The following NEDD9 variants were observed in gnomAD, a reference collection of about 807,000 sequenced individuals.
NEDD9 encodes the protein neural precursor cell expressed, developmentally down-regulated 9.
NEDD9 carries 26 observed loss-of-function variants against 76.6 expected under a neutral mutation model. The ratio of observed to expected loss-of-function variants is 0.34; its 90% CI spans 0.25 to 0.47. The LOEUF (loss-of-function observed/expected upper bound fraction) is 0.47. NEDD9 is among the 20% of genes least tolerant of loss of function. The pLI is 1.00. For synonymous variants in NEDD9, 392 were observed against 414.2 expected, an observed-to-expected ratio of 0.95 and a Z score of 0.65; for missense variants, 937 against 1,058.5, an observed-to-expected ratio of 0.89 and a Z score of 1.59.
At chr6:11,197,036 T>C (rs1462128790) in intron 2 of NEDD9, among the ~76,000 whole-genome samples, 1 of 152,118 alleles carries the variant, frequency 6.6e-6, no homozygotes, top group Admixed American at 6.5e-5. Flanking sequence ...CACAAAAACC[T>C]TCCAACGATC....
intron 6 of NEDD9, among the ~76,000 whole-genome samples, chr6:11,187,765 G>A (rs1758015209): frequency 6.6e-6 from 1 of 152,180 alleles, no homozygotes; most frequent in African/African-American, 2.4e-5. Flanking sequence ...GAAAATAGGT[G>A]AGAGTGAAGT....
chr6:11,249,012 G>A, intron 3 of NEDD9: 1 of 418,832 alleles, frequency 2.4e-6, no homozygotes, highest in Non-Finnish European at 4.8e-6. Flanking sequence ...ATATGCCAGT[G>A]ACTCACCAGT....
chr6:11,233,238 A>G (rs1414480404), upstream of NEDD9: 2 of 518,684 alleles, frequency 3.9e-6, no homozygotes, highest in African/African-American at 3.9e-5. Flanking sequence ...TCAACGTTCA[A>G]AGTACTTTGC....
In NEDD9 at chr6:11,241,029, A is replaced by C. The variant is rs1455041631; in HGVS notation, c.13-27302T>G. Among the ~76,000 whole-genome samples the C allele has an allele frequency of 6.6e-6, 1 of 152,244 alleles. No homozygotes were observed. The highest frequency in any genetic ancestry group is 1.5e-5 in the Non-Finnish European group (1 of 68,046). On this transcript the variant is annotated intron_variant, in intron 3 of 3. Coordinates refer to the NEDD9 transcript ENST00000397378. The surrounding 1 kb of genome is among the most constrained non-coding windows in gnomAD (Gnocchi z 4.0). Reference sequence around the variant, plus strand: ...TACATGCTTTAGTTTGTCCAAATAAACAACTTGTTATATGAAACTGTCATG... The same window carrying C: ...TACATGCTTTAGTTTGTCCAAATAACCAACTTGTTATATGAAACTGTCATG...
At chr6:11,230,395 G>C (rs1237236946) in intron 1 of NEDD9, among the ~76,000 whole-genome samples, 2 of 152,172 alleles carry the variant, frequency 1.3e-5, no homozygotes, top group Non-Finnish European at 2.9e-5. Context: ...AAATTACTTA[G>C]CCTCTCTGTG....
chr6:11,305,037 T>A (rs1173267498), intron 3 of NEDD9: 2 of 1,230,030 alleles, frequency 1.6e-6, no homozygotes, highest in South Asian at 2.6e-5. Context: ...ATCAAATTAT[T>A]TAAAGAAAGC....
intron 3 of NEDD9, among the ~76,000 whole-genome samples, chr6:11,244,211 T>G (rs946719967): frequency 1.3e-5 from 2 of 152,128 alleles, no homozygotes; most frequent in Admixed American, 1.3e-4. Context: ...GATTTTGGAC[T>G]TGGAGACAAC....
chr6:11,366,372 G>A (rs879730178), intron 1 of NEDD9, among the ~76,000 whole-genome samples: 1 of 148,806 alleles, frequency 6.7e-6, no homozygotes, highest in Non-Finnish European at 1.5e-5. Flanking sequence ...AAGAAAGAAA[G>A]GGGGAGCAAG....
At position 11,252,773 on chromosome 6, in the gene NEDD9, T is replaced by A. The variant is rs530623182; in HGVS notation, c.13-39046A>T. Among the ~76,000 whole-genome samples, 57 of 152,334 alleles carry A rather than the reference T, an allele frequency of 3.7e-4. No individual in the cohort carries two copies. The highest frequency in any genetic ancestry group is 1.3e-3 in the African/African-American group (56 of 41,580). On this transcript the variant is annotated intron_variant, in intron 3 of 3. Transcript: ENST00000397378. The surrounding 1 kb of genome is among the most constrained non-coding windows in gnomAD (Gnocchi z 4.3). The stretch of plus-strand genomic sequence containing the variant: ...CTGTCTCTTAAATATAGGGTTTGTT[T>A]GTGAGTAAATTGGTTGTATGCCCCA...
chr6:11,233,593 C>T (rs1027591205), upstream of NEDD9: 5 of 500,020 alleles, frequency 1.0e-5, no homozygotes, highest in South Asian at 5.7e-5. Context: ...TCCAGGAGAA[C>T]GAAAATGCCC....
intron 3 of NEDD9, among the ~76,000 whole-genome samples, chr6:11,242,995 G>A (rs968339869): frequency 5.4e-4 from 82 of 152,142 alleles, no homozygotes; most frequent in African/African-American, 1.9e-3. Flanking sequence ...ACTCCAATCA[G>A]GCTGTGCTGC....
chr6:11,264,869 G>GTTTGTTTGTTTC (rs1554128895), intron 3 of NEDD9, among the ~76,000 whole-genome samples: 1 of 151,970 alleles, frequency 6.6e-6, no homozygotes, highest in African/African-American at 2.4e-5. Context: ...TTGTTTGTTT[G>GTTTGTTTGTTTC]TTTCTTTTTT....
intron 1 of NEDD9, among the ~76,000 whole-genome samples, chr6:11,219,726 G>A (rs1030724450): frequency 3.3e-5 from 5 of 152,350 alleles, no homozygotes; most frequent in Admixed American, 6.5e-5. Flanking sequence ...GCATACTGAC[G>A]AAAACCGGCT....
chr6:11,255,414 G>A (rs930658025), intron 3 of NEDD9, among the ~76,000 whole-genome samples: 1 of 152,232 alleles, frequency 6.6e-6, no homozygotes, highest in African/African-American at 2.4e-5. Flanking sequence ...GCCATGATAG[G>A]TGGTGTATGA....
At chr6:11,330,126 C>T (rs1338476112) in intron 2 of NEDD9, among the ~76,000 whole-genome samples, 4 of 152,152 alleles carry the variant, frequency 2.6e-5, no homozygotes, top group Non-Finnish European at 4.4e-5. Context: ...AAATTGTAAT[C>T]GTCCCATGCA....
intron 3 of NEDD9, among the ~76,000 whole-genome samples, chr6:11,273,529 G>T (rs1248424818): frequency 6.6e-6 from 1 of 152,204 alleles, no homozygotes; most frequent in Admixed American, 6.5e-5. Flanking sequence ...GCCTATCTGT[G>T]TGCGTTCACC....
chr6:11,319,619 A>ACGCACACT (rs33999916), intron 2 of NEDD9, among the ~76,000 whole-genome samples: 1 of 147,036 alleles, frequency 6.8e-6, no homozygotes, highest in Non-Finnish European at 1.5e-5. Context: ...ACTCACACTC[A>ACGCACACT]CACACACACA....
At chr6:11,297,111 C>G (rs1007562742) in intron 3 of NEDD9, among the ~76,000 whole-genome samples, 1 of 149,102 alleles carries the variant, frequency 6.7e-6, no homozygotes, top group Admixed American at 6.7e-5. Context: ...GGTGAAAAAG[C>G]TTTGCAGTTT....
chr6:11,287,324 A>G (rs2113368863), intron 3 of NEDD9, among the ~76,000 whole-genome samples: 1 of 152,278 alleles, frequency 6.6e-6, no homozygotes, highest in East Asian at 1.9e-4. Flanking sequence ...GACGCTCAGG[A>G]GGCTGAGGCA....
Sources: allele counts gnomAD v4.1 joint callset (sites outside exome capture counted in the v4.1 genomes callset), GRCh38; gene constraint gnomAD v4.1.1; non-coding constraint Gnocchi (gnomAD v3.1); transcripts MANE v1.5; gene names NCBI Gene and HGNC (gene_info 2026-07-23, HGNC 2026-07-21).